Variants in XKR9 observed in about 807,000 individuals in gnomAD.
XKR9 encodes the protein XK related 9, also known as XK-related protein 9.
XKR9 carries 32 observed loss-of-function variants against 32.0 expected under a neutral mutation model. The ratio of observed to expected loss-of-function variants is 1.00; its 90% CI spans 0.76 to 1.34. The LOEUF is 1.34. Ranked by LOEUF, XKR9 falls within the 40% of genes most tolerant of loss-of-function variation. The pLI, the probability that XKR9 is intolerant of heterozygous loss-of-function variation, is 0.00. For synonymous variants in XKR9, 168 were observed against 143.4 expected (o/e 1.17, Z -1.22); for missense variants, 546 against 429.7 (o/e 1.27, Z -2.39).
intron 2 of XKR9, among the ~76,000 whole-genome samples, chr8:70,775,569 T>G (rs1029055869): frequency 2.6e-5 from 4 of 152,178 alleles, no homozygotes; most frequent in African/African-American, 9.6e-5. Flanking sequence ...TGCTCTGATA[T>G]CTTTTTAATT....
intron 2 of XKR9, among the ~76,000 whole-genome samples, chr8:70,785,940 C>T (rs1250712867): frequency 6.6e-6 from 1 of 151,934 alleles, no homozygotes; most frequent in African/African-American, 2.4e-5. Flanking sequence ...CCTTCCACCT[C>T]AGCCTCCAAA....
the XKR9 span, among the ~76,000 whole-genome samples, chr8:70,934,161 A>G: frequency 6.6e-6 from 1 of 152,002 alleles, no homozygotes; most frequent in Non-Finnish European, 1.5e-5. Context: ...AACTCTTAAG[A>G]CCCTTGCCTG....
intron 3 of XKR9, among the ~76,000 whole-genome samples, chr8:70,703,741 C>G (rs1805621282): frequency 6.6e-6 from 1 of 152,078 alleles, no homozygotes. Flanking sequence ...GGGAATCAGC[C>G]TGATATGATG....
the XKR9 span, among the ~76,000 whole-genome samples, chr8:70,870,436 C>T: frequency 6.6e-6 from 1 of 152,144 alleles, no homozygotes. Flanking sequence ...CCAGACATCA[C>T]CAGAGAGAAG....
At position 70,776,945 on chromosome 8, in the gene XKR9, C is replaced by CTATA. The variant is rs1393735829; in HGVS notation, n.353-12393_353-12392insATAT. On this transcript the variant is annotated intron_variant and non_coding_transcript_variant, in intron 2 of 3. Transcript: ENST00000520273. ...TCTTTCTCTCTCTCTCTCTCTCTCT[C>CTATA]TCTATATATATATATATATGTATGT... Among the ~76,000 whole-genome samples, 12 of 62,518 alleles carry CTATA rather than the reference C, an allele frequency of 1.9e-4. No individual in the cohort carries two copies. In the East Asian group the frequency reaches 3.9e-3, roughly 21 times the overall value. 41.0% of individuals were successfully genotyped at this position (62,518 alleles called of 152,430 possible).
the XKR9 span, among the ~76,000 whole-genome samples, chr8:70,975,415 TG>T: frequency 6.6e-6 from 1 of 152,364 alleles, no homozygotes; most frequent in East Asian, 1.9e-4. Flanking sequence ...AATTGTCTTT[TG>T]TATAAGGTGT....
At chr8:70,934,269 A>C in the XKR9 span, among the ~76,000 whole-genome samples, 47,260 of 151,828 alleles carry the variant, frequency 0.31, 8,813 homozygotes, top group Non-Finnish European at 0.43. Flanking sequence ...AGACTTCATG[A>C]ACTTTTCTTG....
chr8:70,909,478 C>T, the XKR9 span, among the ~76,000 whole-genome samples: 10 of 151,896 alleles, frequency 6.6e-5, no homozygotes, highest in East Asian at 1.9e-4. Flanking sequence ...CATTTGTTTA[C>T]GTTTTGTATA....
At chr8:70,814,111 C>T in the XKR9 span, among the ~76,000 whole-genome samples, 3 of 152,068 alleles carry the variant, frequency 2.0e-5, no homozygotes, top group Non-Finnish European at 2.9e-5. Flanking sequence ...TACTATGCAG[C>T]CATAAAAAAT....
chr8:71,022,191 A>G, the XKR9 span, among the ~76,000 whole-genome samples: 1 of 152,056 alleles, frequency 6.6e-6, no homozygotes, highest in East Asian at 1.9e-4. Context: ...TCATTTGTCT[A>G]TGTGTCTGTT....
chr8:70,977,954 T>A, the XKR9 span, among the ~76,000 whole-genome samples: 1 of 152,244 alleles, frequency 6.6e-6, no homozygotes, highest in Non-Finnish European at 1.5e-5. Flanking sequence ...GGTAATTAGC[T>A]CTTCTTGTTG....
Position 70,734,370 on chromosome 8 carries a change from T to A in XKR9, c.1068T>A (p.Ile356=), listed in dbSNP as rs1170420909. The A allele has an allele frequency of 1.9e-6, 3 of 1,609,978 alleles. No individual in the cohort carries two copies. The Admixed American group carries it at 5.0e-5, about 27-fold the overall frequency. Residue 356 remains isoleucine, a synonymous_variant, in exon 5 of 5, where the codon ATT becomes ATA. Transcript: ENST00000408926. ...GTGCAGAAACAAAATGTGATGAAAT[T>A]GATGGAAAACCAGTTCTAAGAGAAT... ...NRSAETKCDE[I]DGKPVLRECR...
chr8:70,785,415 A>T (rs1260050143), intron 2 of XKR9, among the ~76,000 whole-genome samples: 1 of 151,698 alleles, frequency 6.6e-6, no homozygotes, highest in African/African-American at 2.4e-5. Context: ...GTCTAACTGA[A>T]AGTTTGCCAA....
chr8:70,736,635 A>G (rs1477962599), downstream of XKR9, among the ~76,000 whole-genome samples: 1 of 152,034 alleles, frequency 6.6e-6, no homozygotes, highest in Non-Finnish European at 1.5e-5. Context: ...ATCTTGAATT[A>G]ACTTTTGTAT....
At chr8:70,916,178 C>T in the XKR9 span, among the ~76,000 whole-genome samples, 26 of 152,156 alleles carry the variant, frequency 1.7e-4, no homozygotes, top group African/African-American at 1.2e-4. Flanking sequence ...CCCTATTTCC[C>T]GCTACCCTAT....
chr8:70,867,721 G>A, the XKR9 span, among the ~76,000 whole-genome samples: 2 of 151,788 alleles, frequency 1.3e-5, no homozygotes, highest in East Asian at 1.9e-4. Context: ...CAGAGTGCTG[G>A]GATTACAGGC....
At chr8:71,027,733 A>T in the XKR9 span, among the ~76,000 whole-genome samples, 1 of 141,214 alleles carries the variant, frequency 7.1e-6, no homozygotes, top group African/African-American at 2.7e-5. Context: ...TTTCATATAC[A>T]TTTAAGGATT....
At chr8:70,772,326 A>C (rs193281161) in intron 2 of XKR9, among the ~76,000 whole-genome samples, 1 of 152,182 alleles carries the variant, frequency 6.6e-6, no homozygotes, top group Non-Finnish European at 1.5e-5. Context: ...ACACACAGGA[A>C]AAGATGCACC....
At chr8:70,780,830 T>G (rs1807605531) in intron 2 of XKR9, 2 of 152,246 alleles carry the variant, frequency 1.3e-5, no homozygotes, top group South Asian at 4.1e-4. Context: ...CATATTATAG[T>G]CCCATCAGCA....
Sources: allele counts gnomAD v4.1 joint callset (sites outside exome capture counted in the v4.1 genomes callset), GRCh38; gene constraint gnomAD v4.1.1; transcripts MANE v1.5; gene names NCBI Gene and HGNC (gene_info 2026-07-23, HGNC 2026-07-21).